ANKRD13D: variants seen among roughly 807,000 people sequenced by gnomAD.
ANKRD13D encodes the protein ankyrin repeat domain 13D, also known as ankyrin repeat domain-containing protein 13D.
Under a neutral mutation model 68.8 loss-of-function variants are expected in ANKRD13D, and 24 were observed. That is an observed-to-expected ratio of 0.35 (90% CI 0.25 to 0.49). The LOEUF is 0.49. Among genes scored for constraint, ANKRD13D ranks in the 20% least tolerant of loss-of-function variants. ANKRD13D has a pLI of 0.99. For synonymous variants in ANKRD13D, 331 were observed against 336.1 expected, an observed-to-expected ratio of 0.98 and a Z score of 0.16; for missense variants, 735 against 832.1, an observed-to-expected ratio of 0.88 and a Z score of 1.44.
chr11:67,301,402 C>T lies in ANKRD13D; in HGVS notation c.1348+4C>T. On this transcript the variant is annotated splice_donor_region_variant and intron_variant, in intron 12 of 14. Transcript: ENST00000511455. The surrounding 1 kb of genome is among the most constrained non-coding windows in gnomAD (Gnocchi z 4.5). ...AGCTCTGCTGTTGCCGCATCAGGTA[C>T]CCCAACGGGAGGAAGAGGGAGCCTG... is the stretch of plus-strand genomic sequence containing the variant. 6.2e-7 allele frequency: 1 copy of T among 1,609,842 alleles called. No homozygotes were observed. Among genetic ancestry groups the T allele is most frequent in the South Asian group, 1.1e-5 (1 of 90,692 alleles).
chr11:67,291,962 C>T (rs779956748), intron 5 of ANKRD13D, 29 bp from the exon 6 acceptor site: 13 of 1,550,054 alleles, frequency 8.4e-6, no homozygotes, highest in African/African-American at 5.5e-5. Flanking sequence ...TGATTTGCGC[C>T]CCCTCTGTCC....
chr11:67,289,641 C>A (rs1203661928), intron 1 of ANKRD13D, 91 bp downstream of exon 1: 4 of 860,078 alleles, frequency 4.7e-6, no homozygotes, highest in African/African-American at 3.8e-5. Context: ...CCCCCCCGCC[C>A]GCTCAGCTCC....
In ANKRD13D at chr11:67,300,923, A is replaced by G; in HGVS notation, c.1074-67A>G. On this transcript the variant is annotated intron_variant, in intron 10 of 14. Coordinates refer to ENST00000511455, the MANE Select transcript of ANKRD13D (RefSeq NM_207354.3). The surrounding 1 kb of genome is among the most constrained non-coding windows in gnomAD (Gnocchi z 4.3). ...GGGTAAAGGCAGCTGCCCACGAACC[A>G]GAGGGCAGTCCTCAATGGAAGGGCC... 2 of 1,580,816 alleles carry G rather than the reference A, an allele frequency of 1.3e-6. No homozygotes were observed. The highest frequency in any genetic ancestry group is 2.3e-5 in the East Asian group (1 of 44,360).
At position 67,302,261 on chromosome 11, in the gene ANKRD13D, C is replaced by A. The variant is rs772468383; in HGVS notation, c.1747C>A (p.Arg583=). The A allele has an allele frequency of 1.9e-6, 3 of 1,570,714 alleles. No homozygotes were observed. Among genetic ancestry groups the A allele is most frequent in the Non-Finnish European group, 2.6e-6 (3 of 1,157,478 alleles). Residue 583 remains arginine (R), a synonymous_variant, in exon 15 of 15, where the codon CGG becomes AGG. Transcript: ENST00000511455. ...LELSSREQEE[R]ERRGQQEEED... ...GTTGTCTTCACGGGAGCAGGAGGAGCGGGAGCGGCGCGGGCAGCAGGAGGA... is the reference window on the plus strand; with the variant it reads ...GTTGTCTTCACGGGAGCAGGAGGAGAGGGAGCGGCGCGGGCAGCAGGAGGA...
In ANKRD13D at chr11:67,289,340, C is replaced by T; in HGVS notation, c.-121C>T. ...GCCCGCGCTGCCGCCGCCGCCGCCG[C>T]CGCCGCTACTGCTGCGGGGGCCGCG... On this transcript the variant is annotated 5_prime_UTR_variant, in exon 1 of 15. Coordinates refer to ENST00000511455, the MANE Select transcript of ANKRD13D (RefSeq NM_207354.3). 1.7e-6 allele frequency: 1 copy of T among 601,692 alleles called. No individual in the cohort carries two copies. Among genetic ancestry groups the T allele is most frequent in the Admixed American group, 6.1e-5 (1 of 16,268 alleles). The allele number at this position is 601,692 out of a possible 1,614,324, so 37.3% of individuals were successfully genotyped here. A position where few individuals can be genotyped will look rare whatever the true frequency, so the allele number is the denominator to read the frequency against.
Position 67,293,997 on chromosome 11 carries a change from T to C in ANKRD13D, c.731+1817T>C, listed in dbSNP as rs574298713. 1.4e-4 allele frequency among the ~76,000 whole-genome samples: 21 copies of C among 152,362 alleles called. No individual in the cohort carries two copies. In the South Asian group the frequency reaches 2.3e-3, roughly 17 times the overall value. ...CCCCTTTGTTGAAAAGACTATGTTT[T>C]TCCCACTGAATGGTCTTGTCACCCT... On this transcript the variant is annotated intron_variant, in intron 6 of 14. Transcript: ENST00000511455.
Position 67,299,524 on chromosome 11 carries a change from C to T in ANKRD13D, c.799-6C>T, listed in dbSNP as rs951267792. On this transcript the variant is annotated splice_polypyrimidine_tract_variant and splice_region_variant and intron_variant, in intron 7 of 14. Coordinates refer to ENST00000511455, the MANE Select transcript of ANKRD13D (RefSeq NM_207354.3). This position sits in a 1 kb window ranked among gnomAD's most constrained non-coding sequence, Gnocchi z 6.2. ...CCCCCAGCTCCCCGTGTCCCCTGCT[C>T]CCCAGGTGTACAGTGCCACCAACGT... The T allele has an allele frequency of 3.2e-6, 5 of 1,550,284 alleles. No individual in the cohort carries two copies. Among genetic ancestry groups the T allele is most frequent in the Admixed American group, 2.0e-5 (1 of 50,924 alleles).
chr11:67,295,328 A>C (rs971745839), intron 6 of ANKRD13D, among the ~76,000 whole-genome samples: 4 of 151,904 alleles, frequency 2.6e-5, no homozygotes, highest in African/African-American at 9.7e-5. Flanking sequence ...GAGGCAGGAG[A>C]ATGGTGTGAA....
chr11:67,292,302 T>C, intron 6 of ANKRD13D, 122 bp downstream of exon 6: 1 of 1,179,800 alleles, frequency 8.5e-7, no homozygotes, highest in Non-Finnish European at 1.1e-6. Flanking sequence ...CACAAGGGGC[T>C]GCTCAGGGGC....
chr11:67,296,978 T>C (rs1288751840), intron 6 of ANKRD13D, among the ~76,000 whole-genome samples: 3 of 152,174 alleles, frequency 2.0e-5, no homozygotes, highest in Non-Finnish European at 2.9e-5. Context: ...GGTTTGTCAA[T>C]TTTGTTGATG....
intron 6 of ANKRD13D, 97 bp downstream of exon 6, chr11:67,292,277 G>A: frequency 7.4e-7 from 1 of 1,358,780 alleles, no homozygotes; most frequent in Non-Finnish European, 9.8e-7. Flanking sequence ...CCTGGTTCAG[G>A]CCTCTGGGCT....
chr11:67,291,083 C>T (rs888030185), intron 3 of ANKRD13D: 11 of 230,876 alleles, frequency 4.8e-5, no homozygotes, highest in East Asian at 4.1e-4. Flanking sequence ...AAGGGCCAGG[C>T]GTTGTGGCTT....
At position 67,290,693 on chromosome 11, in the gene ANKRD13D, G is replaced by A. The variant is rs922927283; in HGVS notation, c.351+247G>A. On this transcript the variant is annotated intron_variant, in intron 3 of 14. Transcript: ENST00000511455. ...AGCTTTGGGCCTCCTGAAGAATGCA[G>A]ATTACCTGGAGCAGGGACTTCAGGT... The A allele has an allele frequency of 1.2e-4, 59 of 490,346 alleles. 1 individual carries two copies. The highest frequency in any genetic ancestry group is 5.3e-5 in the Non-Finnish European group (15 of 282,110). 30.4% of individuals were successfully genotyped at this position (490,346 alleles called of 1,614,324 possible). A position where few individuals can be genotyped will look rare whatever the true frequency, so the allele number is the denominator to read the frequency against.
In ANKRD13D at chr11:67,301,769, G is replaced by C; in HGVS notation, c.1550G>C (p.Gly517Ala). ...VWEALTNTRP[G>A]ARPPPQATVY... ...GAAGCCCTGACCAACACCCGGCCCG[G>C]TGCCCGCCCTCCTCCCCAGGCCACG... The change falls in exon 14 of 15, where the codon GGT becomes GCT. Residue 517 changes from glycine to alanine, a missense_variant. Coordinates refer to ENST00000511455, the MANE Select transcript of ANKRD13D (RefSeq NM_207354.3). The surrounding 1 kb of genome is among the most constrained non-coding windows in gnomAD (Gnocchi z 4.5). The C allele has an allele frequency of 6.2e-7, 1 of 1,610,324 alleles. No homozygotes were observed. Among genetic ancestry groups the C allele is most frequent in the Middle Eastern group, 1.7e-4 (1 of 6,056 alleles).
chr11:67,290,434 C>T lies in ANKRD13D; in HGVS notation c.339C>T (p.Asn113=). 6.3e-7 allele frequency: 1 copy of T among 1,584,296 alleles called. No homozygotes were observed. The highest frequency in any genetic ancestry group is 8.6e-7 in the Non-Finnish European group (1 of 1,166,580). ...QRLAGIPELL[N]KLRQAPDFYV... ...TGGCGGGCATTCCGGAACTGCTCAA[C>T]AAACTTCGCCAGGTACAGCAGGGCA... is the stretch of plus-strand genomic sequence containing the variant. Residue 113 remains asparagine (N), a synonymous_variant, in exon 3 of 15, where the codon AAC becomes AAT. Coordinates refer to ENST00000511455, the MANE Select transcript of ANKRD13D (RefSeq NM_207354.3).
Position 67,299,628 on chromosome 11 carries a change from C to T in ANKRD13D, c.880+17C>T. ...GGAGCAAAGGTAAACCCAGGTGCGC[C>T]TGCCTGCTGCCCGGTCACACCGTGT... is the stretch of plus-strand genomic sequence containing the variant. On this transcript the variant is annotated intron_variant, in intron 8 of 14. Coordinates refer to ENST00000511455, the MANE Select transcript of ANKRD13D (RefSeq NM_207354.3). The surrounding 1 kb of genome is among the most constrained non-coding windows in gnomAD (Gnocchi z 6.2). 2 of 1,550,430 alleles carry T rather than the reference C, an allele frequency of 1.3e-6. No homozygotes were observed. The highest frequency in any genetic ancestry group is 1.2e-5 in the South Asian group (1 of 84,114).
chr11:67,300,258 C>T lies in ANKRD13D; in HGVS notation c.1073+135C>T, dbSNP rs1213786152. On this transcript the variant is annotated intron_variant, in intron 10 of 14. Transcript: ENST00000511455. The surrounding 1 kb of genome is among the most constrained non-coding windows in gnomAD (Gnocchi z 4.3). ...GACTCCACTCCTGGAGGGCAGGAGT[C>T]ATGTCTGCCTTATCCATGGTCCTCA... 45 of 1,283,250 alleles carry T rather than the reference C, an allele frequency of 3.5e-5. No homozygotes were observed. Among genetic ancestry groups the T allele is most frequent in the Non-Finnish European group, 4.5e-5 (42 of 932,940 alleles). 79.5% of individuals were successfully genotyped at this position (1,283,250 alleles called of 1,614,324 possible). A position where few individuals can be genotyped will look rare whatever the true frequency, so the allele number is the denominator to read the frequency against.
intron 1 of ANKRD13D, 76 bp downstream of exon 1, chr11:67,289,626 C>CG: frequency 8.8e-7 from 1 of 1,138,164 alleles, no homozygotes; most frequent in South Asian, 1.6e-5. Context: ...CTGGAGCCCC[C>CG]CCCCCCCCCC....
At position 67,299,682 on chromosome 11, in the gene ANKRD13D, G is replaced by A. The variant is rs1389632827; in HGVS notation, c.880+71G>A. 6.5e-7 allele frequency: 1 copy of A among 1,535,304 alleles called. No homozygotes were observed. The highest frequency in any genetic ancestry group is 1.4e-5 in the African/African-American group (1 of 72,940). On this transcript the variant is annotated intron_variant, in intron 8 of 14. Transcript: ENST00000511455. The surrounding 1 kb of genome is among the most constrained non-coding windows in gnomAD (Gnocchi z 6.2). The stretch of plus-strand genomic sequence containing the variant: ...GGGGTCACCCTGGCCTGGGATTAGG[G>A]GCCAGAGTTTCCCAGGATGAGCTGG...
Sources: allele counts gnomAD v4.1 joint callset (sites outside exome capture counted in the v4.1 genomes callset), GRCh38; gene constraint gnomAD v4.1.1; non-coding constraint Gnocchi (gnomAD v3.1); transcripts MANE v1.5; gene names NCBI Gene and HGNC (gene_info 2026-07-23, HGNC 2026-07-21).